SHISA9: variants seen among roughly 807,000 people sequenced by gnomAD.
SHISA9 encodes protein shisa-9.
In SHISA9, 13 loss-of-function variants were observed where a neutral mutation model predicts 38.0. The observed-to-expected ratio is 0.34, with a 90% CI of 0.22 to 0.54. The LOEUF (loss-of-function observed/expected upper bound fraction) is 0.54. SHISA9 is among the 20% of genes least tolerant of loss of function. SHISA9 has a pLI of 0.91. For synonymous variants in SHISA9, 275 were observed against 242.0 expected (o/e 1.14, Z -1.27); for missense variants, 538 against 575.8 (o/e 0.93, Z 0.67).
the SHISA9 span, among the ~76,000 whole-genome samples, chr16:13,385,057 G>C: frequency 6.6e-6 from 1 of 152,176 alleles, no homozygotes; most frequent in Admixed American, 6.5e-5. Context: ...GCATGAAAAA[G>C]AAGCACAGGT....
intron 2 of SHISA9, among the ~76,000 whole-genome samples, chr16:12,940,721 A>G (rs916770723): frequency 3.3e-5 from 5 of 152,136 alleles, no homozygotes; most frequent in African/African-American, 1.2e-4. Flanking sequence ...GGCACTGAGC[A>G]TTTGTTTCCA....
chr16:13,222,815 TACACAC>T (rs56153007), intron 4 of SHISA9, among the ~76,000 whole-genome samples: 2,969 of 70,878 alleles, frequency 0.042, 45 homozygotes, highest in East Asian at 0.085. Context: ...TATATATACA[TACACAC>T]ACCACAAGGT....
chr16:13,037,125 C>G (rs1018279760), intron 2 of SHISA9, among the ~76,000 whole-genome samples: 3,376 of 147,018 alleles, frequency 0.023, 185 homozygotes, highest in African/African-American at 0.08. Context: ...CACACACACA[C>G]ACACACACAC....
At chr16:13,541,340 G>T in the SHISA9 span, among the ~76,000 whole-genome samples, 1 of 152,150 alleles carries the variant, frequency 6.6e-6, no homozygotes, top group Admixed American at 6.5e-5. Flanking sequence ...CCAGCCTAAA[G>T]AATTTTAAAT....
chr16:12,917,915 AGAG>A (rs2071279590), intron 2 of SHISA9, among the ~76,000 whole-genome samples: 1 of 152,206 alleles, frequency 6.6e-6, no homozygotes, highest in Non-Finnish European at 1.5e-5. Context: ...CTCAGTGGGT[AGAG>A]GAAGAAGCCT....
At chr16:13,370,279 C>T in the SHISA9 span, among the ~76,000 whole-genome samples, 4 of 152,108 alleles carry the variant, frequency 2.6e-5, no homozygotes, top group South Asian at 8.3e-4. Flanking sequence ...TGCTCAGATA[C>T]AAACCTCAGT....
At chr16:13,443,441 T>C in the SHISA9 span, among the ~76,000 whole-genome samples, 1 of 152,234 alleles carries the variant, frequency 6.6e-6, no homozygotes, top group Non-Finnish European at 1.5e-5. Context: ...ATCTATAAAA[T>C]GGGGATGGTA....
chr16:13,086,469 C>G (rs1401622918), intron 2 of SHISA9, among the ~76,000 whole-genome samples: 1 of 149,860 alleles, frequency 6.7e-6, no homozygotes, highest in African/African-American at 2.5e-5. Flanking sequence ...AATTGAAAGA[C>G]AGATGTGAGG....
the SHISA9 span, chr16:13,246,267 A>T: frequency 1.3e-5 from 2 of 152,068 alleles, no homozygotes; most frequent in African/African-American, 4.8e-5. Context: ...GTCTCACAAG[A>T]TCTGATGGTT....
At position 13,235,174 on chromosome 16, in the gene SHISA9, G is replaced by C; in HGVS notation, c.1040G>C (p.Gly347Ala). Residue 347 changes from glycine (G) to alanine (A), a missense_variant, in exon 5 of 5, where the codon GGA (glycine) becomes GCA (alanine). Gly to Ala is a moderately conservative substitution (Grantham distance 60, BLOSUM62 0). This residue lies in a region of SHISA9 where 326 missense variants were observed against 305.9 expected (regional missense o/e 1.07). Transcript: ENST00000558583. Reference protein sequence around the residue: ...SPEHGPAKQNGQKSRTNKMPP... With the variant: ...SPEHGPAKQNAQKSRTNKMPP... ...GAGCACGGTCCTGCCAAGCAGAATG[G>C]ACAGAAGTCCCGCACCAACAAGATG... 6 of 1,551,728 alleles carry C rather than the reference G, an allele frequency of 3.9e-6. No individual in the cohort carries two copies. The highest frequency in any genetic ancestry group is 5.2e-6 in the Non-Finnish European group (6 of 1,147,016).
At chr16:13,112,746 A>G (rs75044146) in intron 2 of SHISA9, among the ~76,000 whole-genome samples, 11,590 of 152,022 alleles carry the variant, frequency 0.076, 615 homozygotes, top group Admixed American at 0.15. Context: ...GGTGCTTGGC[A>G]TTGCCTTTCA....
the SHISA9 span, among the ~76,000 whole-genome samples, chr16:13,265,496 C>A: frequency 1.1e-3 from 134 of 127,084 alleles, 1 homozygote; most frequent in African/African-American, 3.9e-3. Context: ...TTCCTTCATT[C>A]CCTTCCCCTC....
At chr16:13,262,046 A>T in the SHISA9 span, among the ~76,000 whole-genome samples, 2 of 152,236 alleles carry the variant, frequency 1.3e-5, no homozygotes, top group Non-Finnish European at 2.9e-5. Flanking sequence ...GACATTAATT[A>T]AATCAGTCAG....
intron 2 of SHISA9, among the ~76,000 whole-genome samples, chr16:12,995,286 A>G (rs1383581787): frequency 2.6e-5 from 4 of 152,168 alleles, no homozygotes; most frequent in African/African-American, 9.7e-5. Flanking sequence ...ATTATTGACT[A>G]CAGTCTCCCC....
the SHISA9 span, among the ~76,000 whole-genome samples, chr16:13,276,597 A>T: frequency 6.6e-6 from 1 of 151,858 alleles, no homozygotes; most frequent in African/African-American, 2.4e-5. Flanking sequence ...TTATTTTTTG[A>T]TGATGGTCAT....
At chr16:13,361,994 A>C in the SHISA9 span, among the ~76,000 whole-genome samples, 1 of 152,126 alleles carries the variant, frequency 6.6e-6, no homozygotes, top group Non-Finnish European at 1.5e-5. Context: ...TTGCCATCAC[A>C]CACTAGTTAT....
chr16:13,334,991 C>A, the SHISA9 span, among the ~76,000 whole-genome samples: 2 of 152,148 alleles, frequency 1.3e-5, no homozygotes, highest in African/African-American at 4.8e-5. Flanking sequence ...GTAACTCCTA[C>A]CTTTGGTTCT....
chr16:12,913,799 A>G (rs1216729637), intron 1 of SHISA9, among the ~76,000 whole-genome samples: 5 of 152,152 alleles, frequency 3.3e-5, no homozygotes, highest in African/African-American at 1.2e-4. Flanking sequence ...TTCACGGGGA[A>G]TAATATTTTC....
chr16:12,917,041 A>G (rs1328666509), intron 2 of SHISA9, among the ~76,000 whole-genome samples: 1 of 152,164 alleles, frequency 6.6e-6, no homozygotes, highest in East Asian at 1.9e-4. Flanking sequence ...CACATGATTG[A>G]TACTTTTAGC....
Sources: allele counts gnomAD v4.1 joint callset (sites outside exome capture counted in the v4.1 genomes callset), GRCh38; gene constraint gnomAD v4.1.1; regional missense constraint gnomAD v4.1.1; transcripts MANE v1.5; gene names NCBI Gene and HGNC (gene_info 2026-07-23, HGNC 2026-07-21).